WWOX: variants seen among roughly 807,000 people sequenced by gnomAD.
The protein encoded by WWOX is WW domain containing oxidoreductase.
A neutral mutation model predicts 46.2 loss-of-function variants in WWOX; 69 were observed. The ratio of observed to expected loss-of-function variants is 1.49; its 90% confidence interval spans 1.23 to 1.82. The LOEUF is 1.82. Ranked by LOEUF, WWOX falls within the 40% of genes most tolerant of loss-of-function variation. The probability of loss-of-function intolerance (pLI) is 0.00; values close to 1 mark genes in which losing one functional copy is unlikely to be tolerated. For synonymous variants in WWOX, 359 were observed against 202.6 expected (o/e 1.77, Z -6.56); for missense variants, 919 against 542.6 (o/e 1.69, Z -6.89).
At chr16:78,685,112 C>G (rs1455743924) in intron 8 of WWOX, among the ~76,000 whole-genome samples, 1 of 152,184 alleles carries the variant, frequency 6.6e-6, no homozygotes, top group African/African-American at 2.4e-5. Context: ...GGTATCTCCA[C>G]TTCTCTCTGC....
chr16:79,069,150 C>G (rs968074871), intron 8 of WWOX, among the ~76,000 whole-genome samples: 2 of 152,176 alleles, frequency 1.3e-5, no homozygotes, highest in Non-Finnish European at 2.9e-5. Context: ...GGGCCCTGCG[C>G]TGCGCTTGGC....
At chr16:78,856,516 C>T (rs2346807) in intron 8 of WWOX, among the ~76,000 whole-genome samples, 11,304 of 151,968 alleles carry the variant, frequency 0.074, 588 homozygotes, top group Non-Finnish European at 0.11. Flanking sequence ...GGTGGTACAC[C>T]CCTGTAATAG....
Position 78,375,779 on chromosome 16 carries a change from A to G in WWOX, c.517-11081A>G, listed in dbSNP as rs146575694. ...TGCAGCATTGCTTTCAGTGGCCAAC[A>G]AAACAAAACAAAACAAAATTGGAAA... is the stretch of plus-strand genomic sequence containing the variant. On this transcript the variant is annotated intron_variant, in intron 5 of 8. Transcript: ENST00000566780. Among the ~76,000 whole-genome samples the G allele has an allele frequency of 7.9e-5, 12 of 152,254 alleles. No individual in the cohort carries two copies. In the East Asian group the frequency reaches 1.7e-3, roughly 22 times the overall value.
intron 5 of WWOX, among the ~76,000 whole-genome samples, chr16:78,218,639 A>G (rs141430619): frequency 6.6e-6 from 1 of 152,240 alleles, no homozygotes; most frequent in East Asian, 1.9e-4. Context: ...TCAAGGTTTT[A>G]ACGTGTTCTC....
intron 8 of WWOX, among the ~76,000 whole-genome samples, chr16:79,054,708 C>T (rs1286561206): frequency 1.3e-5 from 2 of 152,010 alleles, no homozygotes; most frequent in African/African-American, 4.8e-5. Flanking sequence ...GTCTGTAAGT[C>T]CTAGCTACTC....
intron 8 of WWOX, among the ~76,000 whole-genome samples, chr16:78,998,971 C>T (rs559277346): frequency 1.6e-4 from 25 of 152,266 alleles, no homozygotes; most frequent in South Asian, 1.5e-3. Context: ...TGACAGATTC[C>T]AGGAAAGTCC....
intron 8 of WWOX, among the ~76,000 whole-genome samples, chr16:79,076,447 A>C (rs1046950143): frequency 6.6e-6 from 1 of 152,164 alleles, no homozygotes. Flanking sequence ...GACTCAAGGT[A>C]GTATCTTTTT....
rs536950430 is a variant in WWOX, at chr16:78,830,690, C to T, written c.1057-380918C>T. ...ACCGATTGGGGCTGACAGGTACGGCCGTGCAGCTTTCTGGGCTGTTCAGGT... is the reference window on the plus strand; with the variant it reads ...ACCGATTGGGGCTGACAGGTACGGCTGTGCAGCTTTCTGGGCTGTTCAGGT... On this transcript the variant is annotated intron_variant, in intron 8 of 8. Coordinates refer to ENST00000566780, the MANE Select transcript of WWOX (RefSeq NM_016373.4). Among the ~76,000 whole-genome samples, 24 of 151,916 alleles carry T rather than the reference C, an allele frequency of 1.6e-4. No homozygotes were observed. The East Asian group carries it at 2.9e-3, about 19-fold the overall frequency.
intron 8 of WWOX, among the ~76,000 whole-genome samples, chr16:78,985,259 TTCTGTCAC>T (rs1476219792): frequency 6.6e-6 from 1 of 152,230 alleles, no homozygotes; most frequent in Admixed American, 6.5e-5. Flanking sequence ...AAACGCTGTC[TTCTGTCAC>T]TCTGTCACAG....
chr16:79,031,198 A>C (rs1001805365), intron 8 of WWOX, among the ~76,000 whole-genome samples: 5 of 151,762 alleles, frequency 3.3e-5, no homozygotes, highest in African/African-American at 1.2e-4. Flanking sequence ...CCCCTTCTTG[A>C]GGGTGTTTAG....
At chr16:78,532,864 T>C (rs1353240456) in intron 8 of WWOX, among the ~76,000 whole-genome samples, 3 of 152,090 alleles carry the variant, frequency 2.0e-5, no homozygotes, top group African/African-American at 7.2e-5. Flanking sequence ...AAGAAGAGAT[T>C]TGGGTGGGTA....
At chr16:79,022,753 C>G (rs943312875) in intron 8 of WWOX, among the ~76,000 whole-genome samples, 1 of 152,300 alleles carries the variant, frequency 6.6e-6, no homozygotes, top group South Asian at 2.1e-4. Flanking sequence ...CCACCAAGCC[C>G]GGAACTGAGG....
chr16:78,227,324 G>A (rs933215078), intron 5 of WWOX, among the ~76,000 whole-genome samples: 5 of 151,860 alleles, frequency 3.3e-5, no homozygotes, highest in African/African-American at 1.2e-4. Flanking sequence ...TTTATTTAAG[G>A]AGTCTTGGGA....
At chr16:79,017,857 A>G (rs905326760) in intron 8 of WWOX, among the ~76,000 whole-genome samples, 11 of 152,196 alleles carry the variant, frequency 7.2e-5, no homozygotes, top group Non-Finnish European at 1.3e-4. Context: ...GGTGGGCTGG[A>G]TTTGTCCTGT....
At chr16:78,574,886 T>C (rs1419174718) in intron 8 of WWOX, among the ~76,000 whole-genome samples, 1 of 148,262 alleles carries the variant, frequency 6.7e-6, no homozygotes, top group Non-Finnish European at 1.5e-5. Context: ...ATGTACAGCA[T>C]GAGTGGTGAT....
chr16:78,229,164 A>G (rs1488542487), intron 5 of WWOX, among the ~76,000 whole-genome samples: 1 of 151,900 alleles, frequency 6.6e-6, no homozygotes, highest in Non-Finnish European at 1.5e-5. Context: ...ATACTAGTGA[A>G]TTTTCCATTG....
intron 5 of WWOX, among the ~76,000 whole-genome samples, chr16:78,338,564 A>C (rs559144285): frequency 8.3e-6 from 1 of 121,198 alleles, no homozygotes; most frequent in South Asian, 2.5e-4. Flanking sequence ...TGTTCAAGGC[A>C]GAGAATTATT....
chr16:78,627,876 G>A, intron 8 of WWOX, among the ~76,000 whole-genome samples: 1 of 152,352 alleles, frequency 6.6e-6, no homozygotes. Flanking sequence ...TGGATCAAGA[G>A]AGGCAAGAAT....
At chr16:78,413,101 T>A (rs1425991314) in intron 6 of WWOX, among the ~76,000 whole-genome samples, 1 of 152,176 alleles carries the variant, frequency 6.6e-6, no homozygotes, top group Non-Finnish European at 1.5e-5. Flanking sequence ...AGCTGATTTA[T>A]CAAGACGGGG....
Sources: gnomAD v4.1 joint callset for allele counts (sites outside exome capture counted in the v4.1 genomes callset) on GRCh38, gnomAD v4.1.1 for gene constraint, MANE v1.5 for transcripts, NCBI Gene and HGNC (gene_info 2026-07-23, HGNC 2026-07-21) for gene names.